The following ZBTB24 variants were observed in gnomAD, a reference collection of about 807,000 sequenced individuals.
The protein encoded by ZBTB24 is zinc finger and BTB domain-containing protein 24.
Under a neutral mutation model 53.8 loss-of-function variants are expected in ZBTB24, and 32 were observed. The ratio of observed to expected loss-of-function variants is 0.60; its 90% confidence interval spans 0.45 to 0.80. The LOEUF is 0.80. ZBTB24 is among the 30% of genes least tolerant of loss of function. The pLI is 0.00. For synonymous variants in ZBTB24, 297 were observed against 306.7 expected (o/e 0.97, Z 0.33); for missense variants, 722 against 837.1 (o/e 0.86, Z 1.70).
Position 109,483,127 on chromosome 6 carries a change from G to A in ZBTB24, c.-58C>T, listed in dbSNP as rs937356282. 1.3e-5 allele frequency: 2 copies of A among 152,172 alleles called. No homozygotes were observed. The highest frequency in any genetic ancestry group is 1.9e-4 in the East Asian group (1 of 5,166). 9.4% of individuals were successfully genotyped at this position (152,172 alleles called of 1,614,324 possible). A position where few individuals can be genotyped will look rare whatever the true frequency, so the allele number is the denominator to read the frequency against. ...CGGCCTGGCGGGAGACCCACGCCGG[G>A]GCCCGCTGGCCCTCCGCTCCGCCCC... On this transcript the variant is annotated 5_prime_UTR_variant, in exon 1 of 7. Transcript: ENST00000230122.
At position 109,462,904 on chromosome 6, in the gene ZBTB24, G is replaced by T. The variant is rs1292679782; in HGVS notation, c.*2947C>A. The T allele has an allele frequency of 3.9e-5, 6 of 152,206 alleles. No individual in the cohort carries two copies. The highest frequency in any genetic ancestry group is 2.0e-4 in the Admixed American group (3 of 15,284). 9.4% of individuals were successfully genotyped at this position (152,206 alleles called of 1,614,324 possible). A position where few individuals can be genotyped will look rare whatever the true frequency, so the allele number is the denominator to read the frequency against. On this transcript the variant is annotated 3_prime_UTR_variant, in exon 7 of 7. Transcript: ENST00000230122. ...ACACATTTAGTAGAAAATGAATTGT[G>T]AAACACTGCACTAGCAACATCATTT...
chr6:109,471,470 C>T (rs1776164060), intron 5 of ZBTB24, among the ~76,000 whole-genome samples: 4 of 152,362 alleles, frequency 2.6e-5, no homozygotes, highest in Admixed American at 1.3e-4. Context: ...CACAATGAGG[C>T]TGTGAACAGA....
In ZBTB24 at chr6:109,467,682, A is replaced by G. The variant is rs1776077350; in HGVS notation, c.1341T>C (p.Ser447=). 1 of 1,614,102 alleles carries G rather than the reference A, an allele frequency of 6.2e-7. No homozygotes were observed. The highest frequency in any genetic ancestry group is 8.5e-7 in the Non-Finnish European group (1 of 1,180,026). Residue 447 remains serine, a synonymous_variant, in exon 6 of 7, where the codon AGT becomes AGC. Coordinates refer to ENST00000230122, the MANE Select transcript of ZBTB24 (RefSeq NM_014797.3). ...GGATTCTGATGTGGGTCTGAAGAGA[A>G]CTCTTTGCTGTGAAAGATTTGCCAC... ...EICGKSFTAK[S]SLQTHIRIHR... is the part of the protein sequence containing the mutation.
intron 5 of ZBTB24, among the ~76,000 whole-genome samples, chr6:109,474,508 A>G (rs2115359994): frequency 1.3e-5 from 2 of 152,304 alleles, no homozygotes; most frequent in Admixed American, 1.3e-4. Context: ...CAAGGTGGGC[A>G]GATCACAAGG....
At chr6:109,468,833 T>G in intron 5 of ZBTB24, among the ~76,000 whole-genome samples, 1 of 151,498 alleles carries the variant, frequency 6.6e-6, no homozygotes, top group East Asian at 1.9e-4. Flanking sequence ...GCTTATTCAG[T>G]GTGTTTGCAT....
rs1776408641 is a variant in ZBTB24, at chr6:109,481,366, G to A, written c.661C>T (p.Pro221Ser). The A allele has an allele frequency of 6.2e-7, 1 of 1,614,114 alleles. No homozygotes were observed. The highest frequency in any genetic ancestry group is 1.1e-5 in the South Asian group (1 of 91,082). Residue 221 changes from proline (P) to serine (S), a missense_variant, in exon 2 of 7, where the codon CCT (proline) becomes TCT (serine). Pro to Ser is a moderately conservative substitution (Grantham distance 74). Transcript: ENST00000230122. ...IAAKEKEESE[P>S]TCEPSREEEM... Reference sequence around the variant, plus strand: ...TCCTCTCTACTTGGCTCACAAGTAGGCTCCGATTCTTCCTTTTCTTTTGCT... The same window carrying A: ...TCCTCTCTACTTGGCTCACAAGTAGACTCCGATTCTTCCTTTTCTTTTGCT...
chr6:109,477,468 T>A (rs1053452842), intron 2 of ZBTB24, among the ~76,000 whole-genome samples: 1 of 152,136 alleles, frequency 6.6e-6, no homozygotes, highest in Admixed American at 6.5e-5. Flanking sequence ...ACCTAATTTT[T>A]AAGACACAAT....
At position 109,476,045 on chromosome 6, in the gene ZBTB24, G is replaced by A. The variant is rs1450662504; in HGVS notation, c.1204+130C>T. The A allele has an allele frequency of 7.5e-6, 7 of 938,010 alleles. No homozygotes were observed. In the East Asian group the frequency reaches 1.8e-4, roughly 24 times the overall value. The allele number at this position is 938,010 out of a possible 1,614,324, so 58.1% of individuals were successfully genotyped here. A position where few individuals can be genotyped will look rare whatever the true frequency, so the allele number is the denominator to read the frequency against. ...AAAAACATGTAATTTAGACTCTTAA[G>A]GCACTTTTCCCTAAATACCCTATGT... On this transcript the variant is annotated intron_variant, in intron 4 of 6. Transcript: ENST00000230122.
chr6:109,481,416 C>G lies in ZBTB24; in HGVS notation c.611G>C (p.Ser204Thr). ...NRQNFVVKGD[S>T]GVLNEQIAAK... ...TGCAATTTGCTCATTCAGTACACCA[C>G]TGTCTCCTTTAACCACAAAGTTTTG... Residue 204 changes from serine (S) to threonine (T), a missense_variant, in exon 2 of 7, where the codon AGT becomes ACT. Transcript: ENST00000230122. 1 of 1,614,238 alleles carries G rather than the reference C, an allele frequency of 6.2e-7. No individual in the cohort carries two copies. Among genetic ancestry groups the G allele is most frequent in the Non-Finnish European group, 8.5e-7 (1 of 1,180,048 alleles).
chr6:109,467,414 G>A (rs1776069647), intron 6 of ZBTB24, among the ~76,000 whole-genome samples: 2 of 152,028 alleles, frequency 1.3e-5, no homozygotes, highest in African/African-American at 4.8e-5. Flanking sequence ...AGGAGGCCAC[G>A]GTGGGAGAAT....
Position 109,480,538 on chromosome 6 carries a change from G to A in ZBTB24, c.952+537C>T, listed in dbSNP as rs868696456. Among the ~76,000 whole-genome samples the A allele has an allele frequency of 3.9e-5, 6 of 152,114 alleles. No homozygotes were observed. The South Asian group carries it at 6.2e-4, about 16-fold the overall frequency. ...TCACAGAAGGGTCCCATTGGTCAGC[G>A]CTGGGCTAGAGGGACCAAAAATGAG... On this transcript the variant is annotated intron_variant, in intron 2 of 6. Coordinates refer to ENST00000230122, the MANE Select transcript of ZBTB24 (RefSeq NM_014797.3).
In ZBTB24 at chr6:109,481,892, A is replaced by G. The variant is rs374383327; in HGVS notation, c.135T>C (p.Asn45=). 4.4e-5 allele frequency: 71 copies of G among 1,614,150 alleles called. 1 individual carries two copies. In the African/African-American group the frequency reaches 8.5e-4, roughly 19 times the overall value. The stretch of plus-strand genomic sequence containing the variant: ...AGGCTTTGTGGGCCCGGAAATGTAC[A>G]TTCTCCACGATTAAAGTAATGTCAC... The part of the protein sequence containing the change: ...FLCDITLIVE[N]VHFRAHKALL... Residue 45 remains asparagine, a synonymous_variant, in exon 2 of 7, where the codon AAT becomes AAC. Transcript: ENST00000230122.
At chr6:109,481,025 C>G in intron 2 of ZBTB24, 50 bp downstream of exon 2, 2 of 1,603,906 alleles carry the variant, frequency 1.2e-6, no homozygotes, top group Non-Finnish European at 1.7e-6. Flanking sequence ...ATTATCATCA[C>G]TACTCCCAAT....
intron 6 of ZBTB24, 37 bp from the exon 7 acceptor site, chr6:109,466,611 AT>A: frequency 1.3e-6 from 2 of 1,599,788 alleles, no homozygotes; most frequent in Non-Finnish European, 1.7e-6. Flanking sequence ...TAAAATGGAA[AT>A]ACCTACTTAC....
chr6:109,483,185 T>G lies in ZBTB24; in HGVS notation c.-116A>C, dbSNP rs1303799556. ...TCTGGGGCTTCTGCGCCGCACCGGT[T>G]TCTGCTCCTGCGCCGCCGCCGCAGC... is the stretch of plus-strand genomic sequence containing the variant. On this transcript the variant is annotated 5_prime_UTR_variant, in exon 1 of 7. Coordinates refer to ENST00000230122, the MANE Select transcript of ZBTB24 (RefSeq NM_014797.3). 4 of 152,088 alleles carry G rather than the reference T, an allele frequency of 2.6e-5. No homozygotes were observed. In the East Asian group the frequency reaches 7.8e-4, roughly 30 times the overall value. The allele number at this position is 152,088 out of a possible 1,614,324, so 9.4% of individuals were successfully genotyped here. A position where few individuals can be genotyped will look rare whatever the true frequency, so the allele number is the denominator to read the frequency against.
At position 109,466,190 on chromosome 6, in the gene ZBTB24, A is replaced by C. The variant is rs577099858; in HGVS notation, c.1755T>G (p.Thr585=). Residue 585 remains threonine (T), a synonymous_variant, in exon 7 of 7, where the codon ACT becomes ACG. Coordinates refer to ENST00000230122, the MANE Select transcript of ZBTB24 (RefSeq NM_014797.3). The part of the protein sequence containing the change: ...IVTAESSQNM[T]ADQAANLTLL... ...GGGTAAGATTAGCAGCCTGGTCTGC[A>C]GTCATGTTTTGGGAACTCTCTGCAG... The C allele has an allele frequency of 5.6e-6, 9 of 1,614,230 alleles. No individual in the cohort carries two copies. In the South Asian group the frequency reaches 8.8e-5, roughly 16 times the overall value.
chr6:109,465,369 G>A lies in ZBTB24; in HGVS notation c.*482C>T. On this transcript the variant is annotated 3_prime_UTR_variant, in exon 7 of 7. Coordinates refer to ENST00000230122, the MANE Select transcript of ZBTB24 (RefSeq NM_014797.3). The stretch of plus-strand genomic sequence containing the variant: ...GCAAATTCCCCATACATTGTGATCT[G>A]TCATATTTAGCCCTGACTTGTCTTG... 1 of 446,042 alleles carries A rather than the reference G, an allele frequency of 2.2e-6. No homozygotes were observed. Among genetic ancestry groups the A allele is most frequent in the Non-Finnish European group, 4.0e-6 (1 of 249,624 alleles). The allele number at this position is 446,042 out of a possible 1,614,324, so 27.6% of individuals were successfully genotyped here. A position where few individuals can be genotyped will look rare whatever the true frequency, so the allele number is the denominator to read the frequency against.
chr6:109,465,792 A>G lies in ZBTB24; in HGVS notation c.*59T>C. On this transcript the variant is annotated 3_prime_UTR_variant, in exon 7 of 7. Transcript: ENST00000230122. Reference sequence around the variant, plus strand: ...GAGAGCCTGATTTCAAGCGTTCAAAATCCAGTCAGAGCTGGCTTATAAGAA... The same window carrying G: ...GAGAGCCTGATTTCAAGCGTTCAAAGTCCAGTCAGAGCTGGCTTATAAGAA... 1 of 1,614,082 alleles carries G rather than the reference A, an allele frequency of 6.2e-7. No individual in the cohort carries two copies. Among genetic ancestry groups the G allele is most frequent in the Non-Finnish European group, 8.5e-7 (1 of 1,180,036 alleles).
chr6:109,470,299 C>T (rs925657209), intron 5 of ZBTB24, among the ~76,000 whole-genome samples: 5 of 151,840 alleles, frequency 3.3e-5, no homozygotes, highest in Non-Finnish European at 7.4e-5. Context: ...ACCCTCTTCT[C>T]AGCAGTTACT....
Sources: gnomAD v4.1 joint callset for allele counts (sites outside exome capture counted in the v4.1 genomes callset) on GRCh38, gnomAD v4.1.1 for gene constraint, MANE v1.5 for transcripts, NCBI Gene and HGNC (gene_info 2026-07-23, HGNC 2026-07-21) for gene names.